Variants in RBFOX2 observed in about 807,000 individuals in gnomAD.
RBFOX2 encodes RNA binding fox-1 homolog 2.
Under a neutral mutation model 49.1 loss-of-function variants are expected in RBFOX2, and 10 were observed. The observed-to-expected ratio is 0.20, with a 90% confidence interval of 0.13 to 0.35. The LOEUF is 0.35. RBFOX2 is among the 10% of genes least tolerant of loss of function. RBFOX2 has a pLI of 1.00. For synonymous variants in RBFOX2, 183 were observed against 187.4 expected (o/e 0.98, Z 0.19); for missense variants, 323 against 486.9 (o/e 0.66, Z 3.17).
At chr22:36,004,109 A>G (rs918005197) in intron 1 of RBFOX2, among the ~76,000 whole-genome samples, 1 of 152,168 alleles carries the variant, frequency 6.6e-6, no homozygotes, top group African/African-American at 2.4e-5. Context: ...CCCCCAGTTG[A>G]GAGTCACTGA....
intron 1 of RBFOX2, among the ~76,000 whole-genome samples, chr22:35,974,990 C>T (rs561999708): frequency 1.3e-5 from 2 of 152,144 alleles, no homozygotes; most frequent in Admixed American, 6.5e-5. Context: ...ACGTAGTAGA[C>T]GGGGCTTCTC....
intron 1 of RBFOX2, among the ~76,000 whole-genome samples, chr22:35,933,407 C>T (rs1277562921): frequency 6.6e-6 from 1 of 152,134 alleles, no homozygotes; most frequent in African/African-American, 2.4e-5. Flanking sequence ...AAATAGTACA[C>T]TACAGCTTAA....
intron 1 of RBFOX2, among the ~76,000 whole-genome samples, chr22:35,979,329 C>T (rs2057347494): frequency 1.3e-5 from 2 of 152,202 alleles, no homozygotes; most frequent in Non-Finnish European, 2.9e-5. Flanking sequence ...AGGAAAAAGA[C>T]ATTGCTGGGA....
At chr22:35,979,144 C>T (rs1337884279) in intron 1 of RBFOX2, among the ~76,000 whole-genome samples, 2 of 151,874 alleles carry the variant, frequency 1.3e-5, no homozygotes, top group Admixed American at 6.6e-5. Context: ...GTATTCCTGC[C>T]GAAAATGATA....
intron 9 of RBFOX2, among the ~76,000 whole-genome samples, chr22:35,754,765 C>T (rs1292533094): frequency 6.6e-6 from 1 of 152,096 alleles, no homozygotes; most frequent in Non-Finnish European, 1.5e-5. Context: ...AATTAAAGTA[C>T]AAAGAGAGGT....
intron 2 of RBFOX2, among the ~76,000 whole-genome samples, chr22:35,789,084 G>C (rs1947033356): frequency 6.6e-6 from 1 of 152,006 alleles, no homozygotes; most frequent in Non-Finnish European, 1.5e-5. Flanking sequence ...AGTTAATATA[G>C]AATATAACCC....
intron 1 of RBFOX2, among the ~76,000 whole-genome samples, chr22:35,908,938 G>A (rs754052743): frequency 6.6e-6 from 1 of 151,772 alleles, no homozygotes; most frequent in African/African-American, 2.4e-5. Flanking sequence ...CACCTCCCAG[G>A]TTCACACCAT....
intron 2 of RBFOX2, among the ~76,000 whole-genome samples, chr22:35,806,357 T>C (rs1012601013): frequency 1.3e-5 from 2 of 152,104 alleles, no homozygotes; most frequent in African/African-American, 4.8e-5. Context: ...TAGTGTATTG[T>C]TATATATCTA....
intron 1 of RBFOX2, among the ~76,000 whole-genome samples, chr22:35,901,103 G>A (rs2048513258): frequency 6.6e-6 from 1 of 152,100 alleles, no homozygotes; most frequent in African/African-American, 2.4e-5. Flanking sequence ...TGTAAGACAG[G>A]CCCTGTTATC....
chr22:35,947,653 CA>C (rs1229834499), intron 1 of RBFOX2, among the ~76,000 whole-genome samples: 4 of 5,694 alleles, frequency 7.0e-4, no homozygotes, highest in African/African-American at 9.5e-4. Flanking sequence ...TAGCTTTCAA[CA>C]AAAAAAAGTT....
rs958970642 is a variant in RBFOX2, at chr22:35,759,035, C to T, written c.887+853G>A. Among the ~76,000 whole-genome samples the T allele has an allele frequency of 6.6e-6, 1 of 152,124 alleles. No homozygotes were observed. Among genetic ancestry groups the T allele is most frequent in the Non-Finnish European group, 1.5e-5 (1 of 68,026 alleles). Reference sequence around the variant, plus strand: ...GCAGAGAAAAGGTGAAGAGAAATGTCACATCTTTGATGAGGAAGTCCTTGG... The same window carrying T: ...GCAGAGAAAAGGTGAAGAGAAATGTTACATCTTTGATGAGGAAGTCCTTGG... On this transcript the variant is annotated intron_variant, in intron 9 of 11. Transcript: ENST00000405409. The surrounding 1 kb of genome is among the most constrained non-coding windows in gnomAD (Gnocchi z 4.6).
At chr22:35,891,354 C>T (rs1394823417) in intron 1 of RBFOX2, among the ~76,000 whole-genome samples, 2 of 152,042 alleles carry the variant, frequency 1.3e-5, no homozygotes, top group Admixed American at 6.5e-5. Context: ...AGAATGGTCT[C>T]GATCTCCTGA....
At chr22:35,900,347 C>A (rs546863630) in intron 1 of RBFOX2, among the ~76,000 whole-genome samples, 1 of 151,790 alleles carries the variant, frequency 6.6e-6, no homozygotes, top group Non-Finnish European at 1.5e-5. Flanking sequence ...TTGTTTTATA[C>A]GAGTTTCTCT....
At chr22:35,779,816 G>A (rs1322772144) in intron 3 of RBFOX2, among the ~76,000 whole-genome samples, 1 of 152,114 alleles carries the variant, frequency 6.6e-6, no homozygotes, top group African/African-American at 2.4e-5. Flanking sequence ...TCTCTGGTAA[G>A]GAAAAAATTA....
chr22:35,781,561 T>A (rs1175673520), intron 3 of RBFOX2, 39 bp downstream of exon 4: 6 of 1,598,512 alleles, frequency 3.8e-6, no homozygotes, highest in Non-Finnish European at 5.1e-6. Context: ...TAAAATCTAC[T>A]TTAATTGTAA....
intron 2 of RBFOX2, among the ~76,000 whole-genome samples, chr22:35,786,627 C>A (rs539828689): frequency 2.6e-5 from 4 of 152,158 alleles, no homozygotes. Context: ...GGATTACAGG[C>A]GTGAGCCACA....
chr22:35,769,514 C>G (rs1465921669), intron 4 of RBFOX2, among the ~76,000 whole-genome samples: 1 of 152,060 alleles, frequency 6.6e-6, no homozygotes, highest in Non-Finnish European at 1.5e-5. Context: ...GTGCTCTGTC[C>G]TTATCGTTCT....
intron 2 of RBFOX2, among the ~76,000 whole-genome samples, chr22:35,786,267 G>C (rs895713526): frequency 3.3e-5 from 5 of 152,162 alleles, no homozygotes; most frequent in African/African-American, 7.2e-5. Flanking sequence ...AGCAAGACTG[G>C]TTAATTTTGC....
chr22:35,963,058 G>GC (rs1459982396), upstream of RBFOX2, among the ~76,000 whole-genome samples: 1 of 37,546 alleles, frequency 2.7e-5, no homozygotes, highest in Non-Finnish European at 4.4e-5. Flanking sequence ...CAACTCTCCA[G>GC]CAAAAAAAAA....
Sources: gnomAD v4.1 joint callset for allele counts (sites outside exome capture counted in the v4.1 genomes callset) on GRCh38, gnomAD v4.1.1 for gene constraint, Gnocchi (gnomAD v3.1) non-coding constraint, MANE v1.5 for transcripts, NCBI Gene and HGNC (gene_info 2026-07-23, HGNC 2026-07-21) for gene names.